Variants in NAALADL1 observed in about 807,000 individuals in gnomAD.
The protein encoded by NAALADL1 is N-acetylated alpha-linked acidic dipeptidase like 1.
Under a neutral mutation model 82.8 loss-of-function variants are expected in NAALADL1, and 77 were observed. The observed-to-expected ratio is 0.93, with a 90% confidence interval of 0.77 to 1.12. The LOEUF is 1.12. Ranked by LOEUF, NAALADL1 falls within the 50% of genes most tolerant of loss-of-function variation. The pLI is 0.00. For synonymous variants in NAALADL1, 358 were observed against 399.2 expected (o/e 0.90, Z 1.23); for missense variants, 956 against 964.0 (o/e 0.99, Z 0.11).
In NAALADL1 at chr11:65,053,411, C is replaced by A. The variant is rs1946945060; in HGVS notation, c.1079-74G>T. 2 of 1,612,436 alleles carry A rather than the reference C, an allele frequency of 1.2e-6. No homozygotes were observed. Among genetic ancestry groups the A allele is most frequent in the African/African-American group, 2.7e-5 (2 of 74,768 alleles). ...CAGGGGGAGCTGGGCTGGGTGGTGGCAAGGGCAGGGCTGGATGAGGACAGC... is the reference window on the plus strand; with the variant it reads ...CAGGGGGAGCTGGGCTGGGTGGTGGAAAGGGCAGGGCTGGATGAGGACAGC... On this transcript the variant is annotated intron_variant, in intron 7 of 17. Transcript: ENST00000358658. This position sits in a 1 kb window ranked among gnomAD's most constrained non-coding sequence, Gnocchi z 4.3.
chr11:65,051,406 G>A (rs544998534), intron 8 of NAALADL1, among the ~76,000 whole-genome samples: 5 of 131,488 alleles, frequency 3.8e-5, no homozygotes, highest in Middle Eastern at 5.4e-3. Context: ...GTGTGATCAC[G>A]GCTTACTGCA....
chr11:65,048,313 G>C lies in NAALADL1; in HGVS notation c.1271C>G (p.Thr424Arg), dbSNP rs372854698. 155 of 1,614,036 alleles carry C rather than the reference G, an allele frequency of 9.6e-5. No homozygotes were observed. The highest frequency in any genetic ancestry group is 1.3e-4 in the Non-Finnish European group (150 of 1,180,032). The change falls in exon 9 of 18, where the codon ACG becomes AGG. Residue 424 changes from threonine (T) to arginine (R), a missense_variant. Transcript: ENST00000358658. Reference sequence around the variant, plus strand: ...AGGGCCACTCACTTCTGTGAATTCCGTGGAGCCAATGAGCCCAAACTCCTC... The same window carrying C: ...AGGGCCACTCACTTCTGTGAATTCCCTGGAGCCAATGAGCCCAAACTCCTC... ...GAEEFGLIGS[T>R]EFTEEFFNKL...
intron 1 of NAALADL1, 38 bp from the exon 2 acceptor site, chr11:65,058,288 A>C: frequency 6.2e-7 from 1 of 1,613,828 alleles, no homozygotes; most frequent in South Asian, 1.1e-5. Flanking sequence ...GGCCAGCATC[A>C]GGGAGGGGGC....
rs572960401 is a variant in NAALADL1, at chr11:65,046,125, C to A, written c.1856-11G>T. The A allele has an allele frequency of 1.9e-6, 3 of 1,614,146 alleles. No individual in the cohort carries two copies. In the East Asian group the frequency reaches 6.7e-5, roughly 36 times the overall value. On this transcript the variant is annotated splice_polypyrimidine_tract_variant and intron_variant, in intron 15 of 17. Coordinates refer to ENST00000358658, the MANE Select transcript of NAALADL1 (RefSeq NM_005468.3). ...CAGTCACCAGAGGCCCTGTGAGGAACAAGCAGTGGCTCAGTCATGGGGGTG... is the reference window on the plus strand; with the variant it reads ...CAGTCACCAGAGGCCCTGTGAGGAAAAAGCAGTGGCTCAGTCATGGGGGTG...
chr11:65,050,720 G>A (rs1288139758), intron 8 of NAALADL1, among the ~76,000 whole-genome samples: 1 of 151,988 alleles, frequency 6.6e-6, no homozygotes, highest in African/African-American at 2.4e-5. Context: ...AACCTGGAGG[G>A]CAGAGGTTGC....
chr11:65,050,086 G>A (rs1004405020), intron 8 of NAALADL1, among the ~76,000 whole-genome samples: 22 of 151,658 alleles, frequency 1.5e-4, no homozygotes, highest in Middle Eastern at 3.4e-3. Flanking sequence ...ACGTTGGCCA[G>A]GCTGGTGTTG....
At chr11:65,055,779 C>T (rs187243269) in intron 4 of NAALADL1, among the ~76,000 whole-genome samples, 11 of 152,102 alleles carry the variant, frequency 7.2e-5, no homozygotes, top group Admixed American at 6.6e-4. Flanking sequence ...TTCTACACTG[C>T]TTGTTCCCCT....
rs1405148114 is a variant in NAALADL1, at chr11:65,047,699, TGTC to T, written c.1453_1455del (p.Asp485del). The T allele has an allele frequency of 1.9e-6, 3 of 1,608,272 alleles. No individual in the cohort carries two copies. The highest frequency in any genetic ancestry group is 2.5e-6 in the Non-Finnish European group (3 of 1,178,158). On this transcript the variant is annotated inframe_deletion, in exon 12 of 18. Transcript: ENST00000358658. ...CTGCGGTTGAAGTACCGGATCCAGT[TGTC>T]GTAGATGCTCAGGTCGCCAGGGCCT... is the stretch of plus-strand genomic sequence containing the variant.
rs1337971306 is a variant in NAALADL1 at position 65,054,262 on chromosome 11, A to G, written c.980T>C (p.Phe327Ser). The G allele has an allele frequency of 6.2e-7, 1 of 1,613,918 alleles. No homozygotes were observed. The highest frequency in any genetic ancestry group is 1.7e-5 in the Admixed American group (1 of 59,988). Residue 327 changes from phenylalanine (F) to serine (S), a missense_variant, in exon 6 of 18, where the codon TTC becomes TCC. Phe to Ser is a radical substitution (Grantham distance 155). Transcript: ENST00000358658. The surrounding 1 kb of genome is among the most constrained non-coding windows in gnomAD (Gnocchi z 4.3). Reference sequence around the variant, plus strand: ...GGCTGCATCTCACCTGTCTGCTGGGAAGTCTCCGTCAGGCCGGAAGCCGGG... The same window carrying G: ...GGCTGCATCTCACCTGTCTGCTGGGGAGTCTCCGTCAGGCCGGAAGCCGGG... ...LGPGFRPDGD[F>S]PADSQVNVSV...
At chr11:65,055,301 G>T (rs981886806) in intron 4 of NAALADL1, among the ~76,000 whole-genome samples, 1 of 152,150 alleles carries the variant, frequency 6.6e-6, no homozygotes, top group Non-Finnish European at 1.5e-5. Context: ...GCCAGGTGTG[G>T]TGGTACACAC....
intron 8 of NAALADL1, 134 bp from the exon 9 acceptor site, chr11:65,048,519 T>A: frequency 1.1e-6 from 1 of 942,520 alleles, no homozygotes; most frequent in Non-Finnish European, 1.6e-6. Context: ...CCTGGCACCC[T>A]GCAGCCAGGC....
chr11:65,048,181 G>A lies in NAALADL1; in HGVS notation c.1319C>T (p.Ala440Val). The change falls in exon 10 of 18, where the codon GCC becomes GTC. Residue 440 changes from alanine to valine, a missense_variant. Physicochemically the swap from Ala to Val is moderately conservative, Grantham distance 64. Coordinates refer to ENST00000358658, the MANE Select transcript of NAALADL1 (RefSeq NM_005468.3). Reference sequence around the variant, plus strand: ...CACCGAGATGTCCACGTTGATGTAGGCCACCGTGCGCTCCTGCAGCTTGTT... The same window carrying A: ...CACCGAGATGTCCACGTTGATGTAGACCACCGTGCGCTCCTGCAGCTTGTT... ...FFNKLQERTVAYINVDISVFA... is the reference protein window; with the variant it reads ...FFNKLQERTVVYINVDISVFA... 3 of 1,613,980 alleles carry A rather than the reference G, an allele frequency of 1.9e-6. No individual in the cohort carries two copies. The highest frequency in any genetic ancestry group is 2.5e-6 in the Non-Finnish European group (3 of 1,180,008).
chr11:65,053,553 T>C lies in NAALADL1; in HGVS notation c.1016A>G (p.Asn339Ser), dbSNP rs200235851. The C allele has an allele frequency of 1.6e-5, 25 of 1,607,494 alleles. No individual in the cohort carries two copies. In the South Asian group the frequency reaches 1.9e-4, roughly 12 times the overall value. The change falls in exon 7 of 18, where the codon AAC becomes AGC. Residue 339 changes from asparagine to serine, a missense_variant. Transcript: ENST00000358658. The surrounding 1 kb of genome is among the most constrained non-coding windows in gnomAD (Gnocchi z 4.3). The stretch of plus-strand genomic sequence containing the variant: ...GGAAGAGTTCCTCAGCTCCAGGCGG[T>C]TGTAGACGCTCACATTCACCTGGCT... The part of the protein sequence containing the change: ...ADSQVNVSVY[N>S]RLELRNSSNV...
chr11:65,044,833 T>A lies in NAALADL1; in HGVS notation c.*438A>T. On this transcript the variant is annotated 3_prime_UTR_variant, in exon 18 of 18. Transcript: ENST00000358658. The surrounding 1 kb of genome is among the most constrained non-coding windows in gnomAD (Gnocchi z 4.0). ...AAGGAACTTGTTTTGTTGGTACCAG[T>A]CACTAGATGTGATTTATTTGAGGGG... The A allele has an allele frequency of 1.6e-6, 2 of 1,239,056 alleles. No homozygotes were observed. The highest frequency in any genetic ancestry group is 2.2e-6 in the Non-Finnish European group (2 of 914,048). The allele number at this position is 1,239,056 out of a possible 1,614,324, so 76.8% of individuals were successfully genotyped here. A position where few individuals can be genotyped will look rare whatever the true frequency, so the allele number is the denominator to read the frequency against.
rs780105843 is a variant in NAALADL1, at chr11:65,047,744, C to A, written c.1417-6G>T. ...CCAGGGCCTGGTGAGCGGATCTGGC[C>A]GGAAGGAGAATTTAGTCTCGGTGCG... On this transcript the variant is annotated splice_region_variant and splice_polypyrimidine_tract_variant and intron_variant, in intron 11 of 17. Transcript: ENST00000358658. The A allele has an allele frequency of 1.3e-6, 2 of 1,595,300 alleles. No individual in the cohort carries two copies. The highest frequency in any genetic ancestry group is 2.3e-5 in the South Asian group (2 of 87,496).
chr11:65,050,427 G>A (rs909579648), intron 8 of NAALADL1, among the ~76,000 whole-genome samples: 1 of 149,128 alleles, frequency 6.7e-6, no homozygotes, highest in African/African-American at 2.5e-5. Flanking sequence ...GCAGTGAGCC[G>A]AGATGGCGCC....
rs10535126 is a variant in NAALADL1 at position 65,051,315 on chromosome 11, C to CTTT, written c.1198+1900_1198+1902dup. Among the ~76,000 whole-genome samples the CTTT allele has an allele frequency of 5.7e-4, 34 of 59,566 alleles. 1 individual carries two copies. The highest frequency in any genetic ancestry group is 1.4e-3 in the South Asian group (2 of 1,448). The allele number at this position is 59,566 out of a possible 152,430, so 39.1% of individuals were successfully genotyped here. A position where few individuals can be genotyped will look rare whatever the true frequency, so the allele number is the denominator to read the frequency against. ...AAGTCTCTCTCTCCTTTCTTTCTTT[C>CTTT]TTTTTTTTTTTTTTTTTTTTTTTTT... On this transcript the variant is annotated intron_variant, in intron 8 of 17. Transcript: ENST00000358658.
intron 8 of NAALADL1, among the ~76,000 whole-genome samples, chr11:65,050,146 G>C (rs1946847879): frequency 6.6e-6 from 1 of 151,544 alleles, no homozygotes; most frequent in South Asian, 2.1e-4. Context: ...AAAGTGCTGG[G>C]ATTACAGGCA....
At chr11:65,047,321 A>G (rs1045051151) in intron 13 of NAALADL1, among the ~76,000 whole-genome samples, 154 bp downstream of exon 13, 2 of 151,596 alleles carry the variant, frequency 1.3e-5, no homozygotes, top group African/African-American at 2.4e-5. Flanking sequence ...GTGTGTGTGT[A>G]TTTCTGTGTG....
Sources: gnomAD v4.1 joint callset for allele counts (sites outside exome capture counted in the v4.1 genomes callset) on GRCh38, gnomAD v4.1.1 for gene constraint, Gnocchi (gnomAD v3.1) non-coding constraint, MANE v1.5 for transcripts, NCBI Gene and HGNC (gene_info 2026-07-23, HGNC 2026-07-21) for gene names.